Variants in KCNH7 observed in about 807,000 individuals in gnomAD.
KCNH7 encodes potassium voltage-gated channel subfamily H member 7, also known as voltage-gated inwardly rectifying potassium channel KCNH7.
Under a neutral mutation model 120.8 loss-of-function variants are expected in KCNH7, and 49 were observed. The observed-to-expected ratio is 0.41, with a 90% CI of 0.32 to 0.51. The LOEUF is 0.51. Among genes scored for constraint, KCNH7 ranks in the 20% least tolerant of loss-of-function variants. The pLI, the probability that KCNH7 is intolerant of heterozygous loss-of-function variation, is 0.38. For missense variants in KCNH7, 1,097 were observed against 1,446.6 expected (o/e 0.76, Z 3.92); for synonymous variants, 547 against 516.1 (o/e 1.06, Z -0.81).
chr2:162,416,190 T>C (rs1460166476), intron 9 of KCNH7, among the ~76,000 whole-genome samples: 4 of 151,892 alleles, frequency 2.6e-5, no homozygotes, highest in Non-Finnish European at 4.4e-5. Context: ...GGAGTTCGTA[T>C]GGTGAAACTC....
chr2:162,416,423 ATAGT>A (rs1252903715), intron 9 of KCNH7, among the ~76,000 whole-genome samples: 2 of 152,042 alleles, frequency 1.3e-5, no homozygotes, highest in Non-Finnish European at 2.9e-5. Flanking sequence ...AGATAAAATC[ATAGT>A]TAGGCTCTGG....
At chr2:162,784,006 T>C (rs1443645648) in intron 2 of KCNH7, among the ~76,000 whole-genome samples, 2 of 152,318 alleles carry the variant, frequency 1.3e-5, no homozygotes, top group Non-Finnish European at 1.5e-5. Flanking sequence ...AAATATATGT[T>C]GATATCCTTT....
At chr2:162,512,695 T>A (rs760536405) in intron 4 of KCNH7, 21 bp from the exon 5 acceptor site, 1 of 1,596,636 alleles carries the variant, frequency 6.3e-7, no homozygotes. Flanking sequence ...CACATAAGGA[T>A]AAAAAAAGAG....
At chr2:162,636,890 C>T (rs1163805808) in intron 2 of KCNH7, among the ~76,000 whole-genome samples, 1 of 152,052 alleles carries the variant, frequency 6.6e-6, no homozygotes, top group Non-Finnish European at 1.5e-5. Flanking sequence ...TACAGTTTTA[C>T]TGTCAACACT....
chr2:162,747,019 A>C (rs1447255808), intron 2 of KCNH7, among the ~76,000 whole-genome samples: 2 of 152,172 alleles, frequency 1.3e-5, no homozygotes, highest in African/African-American at 4.8e-5. Context: ...AAGAAGAAAA[A>C]AAGTATGAAA....
At chr2:162,729,467 T>C (rs960533729) in intron 2 of KCNH7, among the ~76,000 whole-genome samples, 1 of 152,188 alleles carries the variant, frequency 6.6e-6, no homozygotes, top group Non-Finnish European at 1.5e-5. Context: ...TATTCCCATA[T>C]ACATCTTAGA....
intron 2 of KCNH7, among the ~76,000 whole-genome samples, chr2:162,699,963 G>C (rs1400116770): frequency 2.6e-5 from 4 of 152,044 alleles, no homozygotes; most frequent in Non-Finnish European, 5.9e-5. Flanking sequence ...ATGAAGAAAA[G>C]AGAAAAATTA....
At chr2:162,597,458 G>A (rs10178510) in intron 2 of KCNH7, among the ~76,000 whole-genome samples, 96,644 of 151,924 alleles carry the variant, frequency 0.64, 32,370 homozygotes, top group African/African-American at 0.85. Context: ...ATATCACATG[G>A]TCTCACTTAT....
At chr2:162,729,290 T>G (rs1039918295) in intron 2 of KCNH7, among the ~76,000 whole-genome samples, 12 of 151,648 alleles carry the variant, frequency 7.9e-5, no homozygotes, top group Non-Finnish European at 1.8e-4. Context: ...CTCAGCCTCC[T>G]GAGTAGCTGG....
At chr2:162,820,388 T>C (rs1685077250) in intron 2 of KCNH7, among the ~76,000 whole-genome samples, 1 of 151,982 alleles carries the variant, frequency 6.6e-6, no homozygotes, top group African/African-American at 2.4e-5. Flanking sequence ...TTCCATAAAC[T>C]TTCACTGAAC....
intron 2 of KCNH7, among the ~76,000 whole-genome samples, chr2:162,747,804 A>G (rs1688366065): frequency 6.6e-6 from 1 of 152,210 alleles, no homozygotes. Context: ...ACATTTTTAA[A>G]GGAAAAATGT....
intron 2 of KCNH7, among the ~76,000 whole-genome samples, chr2:162,639,060 TC>T (rs1684059056): frequency 6.6e-6 from 1 of 151,898 alleles, no homozygotes; most frequent in Non-Finnish European, 1.5e-5. Flanking sequence ...ATAGCACACT[TC>T]CCCCTACCAC....
At chr2:162,460,577 C>T (rs1343030644) in intron 6 of KCNH7, among the ~76,000 whole-genome samples, 1 of 152,078 alleles carries the variant, frequency 6.6e-6, no homozygotes, top group Non-Finnish European at 1.5e-5. Context: ...GTGATGTGTC[C>T]ACAAGCCAAA....
At chr2:162,835,627 T>C (rs185255766) in intron 2 of KCNH7, among the ~76,000 whole-genome samples, 96 of 151,896 alleles carry the variant, frequency 6.3e-4, no homozygotes, top group Non-Finnish European at 9.6e-4. Context: ...TATAGATATA[T>C]ATAGATATAG....
chr2:162,700,670 C>T (rs1686464948), intron 2 of KCNH7, among the ~76,000 whole-genome samples: 1 of 152,170 alleles, frequency 6.6e-6, no homozygotes, highest in Admixed American at 6.5e-5. Flanking sequence ...TTTCCAACTT[C>T]TTTGAAGCTA....
At position 162,720,299 on chromosome 2, in the gene KCNH7, T is replaced by TA. The variant is rs59618789; in HGVS notation, c.307+116237dup. 3.9e-3 allele frequency among the ~76,000 whole-genome samples: 379 copies of TA among 97,838 alleles called. 7 individuals are homozygous for TA. The highest frequency in any genetic ancestry group is 7.8e-3 in the South Asian group (24 of 3,088). 64.2% of individuals were successfully genotyped at this position (97,838 alleles called of 152,430 possible). A position where few individuals can be genotyped will look rare whatever the true frequency, so the allele number is the denominator to read the frequency against. On this transcript the variant is annotated intron_variant, in intron 2 of 15. Transcript: ENST00000332142. ...CCTTCACCATCTAGTGATGTGTGATTAAAAAAAAAAAAAAAAAAAAAAAAG... is the reference window on the plus strand; with the variant it reads ...CCTTCACCATCTAGTGATGTGTGATTAAAAAAAAAAAAAAAAAAAAAAAAAG...
rs181122311 is a variant in KCNH7 at position 162,631,715 on chromosome 2, C to T, written c.308-94635G>A. On this transcript the variant is annotated intron_variant, in intron 2 of 15. Transcript: ENST00000332142. Reference sequence around the variant, plus strand: ...TAAAAAGTAACTGTGAGAAACAACACCAGATGATAATGAATCACAGAAAGA... The same window carrying T: ...TAAAAAGTAACTGTGAGAAACAACATCAGATGATAATGAATCACAGAAAGA... 5.9e-5 allele frequency among the ~76,000 whole-genome samples: 9 copies of T among 151,910 alleles called. No homozygotes were observed. In the East Asian group the frequency reaches 1.7e-3, roughly 29 times the overall value.
intron 2 of KCNH7, among the ~76,000 whole-genome samples, chr2:162,810,421 C>G (rs1287061028): frequency 1.3e-5 from 2 of 152,082 alleles, no homozygotes; most frequent in Admixed American, 6.5e-5. Context: ...GAAATTCCGT[C>G]AGGAATTTGG....
intron 3 of KCNH7, among the ~76,000 whole-genome samples, chr2:162,524,939 G>C (rs1691648732): frequency 6.6e-6 from 1 of 151,952 alleles, no homozygotes; most frequent in African/African-American, 2.4e-5. Context: ...GACCGGGAAA[G>C]ATTATCATTC....
Sources: gnomAD v4.1 joint callset for allele counts (sites outside exome capture counted in the v4.1 genomes callset) on GRCh38, gnomAD v4.1.1 for gene constraint, MANE v1.5 for transcripts, NCBI Gene and HGNC (gene_info 2026-07-23, HGNC 2026-07-21) for gene names.